MED13L: variants seen among roughly 807,000 people sequenced by gnomAD.
The protein encoded by MED13L is mediator of RNA polymerase II transcription subunit 13-like.
A neutral mutation model predicts 220.9 loss-of-function variants in MED13L; 7 were observed. The observed-to-expected ratio is 0.03, with a 90% confidence interval of 0.02 to 0.06. The LOEUF (loss-of-function observed/expected upper bound fraction) is 0.06. Among genes scored for constraint, MED13L ranks in the 10% least tolerant of loss-of-function variants. MED13L has a pLI of 1.00. For synonymous variants in MED13L, 1,011 were observed against 1,015.2 expected, an observed-to-expected ratio of 1.00 and a Z score of 0.08; for missense variants, 1,965 against 2,760.5, an observed-to-expected ratio of 0.71 and a Z score of 6.46.
chr12:116,212,886 G>C (rs926834679), intron 2 of MED13L, among the ~76,000 whole-genome samples: 1 of 152,090 alleles, frequency 6.6e-6, no homozygotes, highest in African/African-American at 2.4e-5. Flanking sequence ...AAACTAAAAA[G>C]AAAGTGGAGA....
Position 116,012,781 on chromosome 12 carries a change from C to T in MED13L, c.1280+16G>A. On this transcript the variant is annotated intron_variant, in intron 9 of 30. Transcript: ENST00000281928. ...ATCATTCGATCCATTACTATTTTGC[C>T]TTTTTTATTACCTACCTGGAACAAG... 8 of 1,586,750 alleles carry T rather than the reference C, an allele frequency of 5.0e-6. No individual in the cohort carries two copies. The highest frequency in any genetic ancestry group is 6.9e-6 in the Non-Finnish European group (8 of 1,155,224).
chr12:116,110,357 T>TTAAATAAATAAA lies in MED13L; in HGVS notation c.395+1059_395+1070dup, dbSNP rs34452896. On this transcript the variant is annotated intron_variant, in intron 3 of 30. Coordinates refer to ENST00000281928, the MANE Select transcript of MED13L (RefSeq NM_015335.5). ...ATGGGTCCCAATTTACATAGCAAGA[T>TTAAATAAATAAA]TAAATAAATAAATAAATAAATAAAT... is the stretch of plus-strand genomic sequence containing the variant. 1.4e-3 allele frequency: 200 copies of TTAAATAAATAAA among 145,076 alleles called. 1 individual carries two copies. The highest frequency in any genetic ancestry group is 3.4e-3 in the African/African-American group (138 of 40,216). 9.0% of individuals were successfully genotyped at this position (145,076 alleles called of 1,614,324 possible).
intron 25 of MED13L, chr12:115,972,482 G>A (rs1876656330): frequency 2.1e-6 from 1 of 485,480 alleles, no homozygotes; most frequent in African/African-American, 2.0e-5. Flanking sequence ...ACCTTTGAGA[G>A]TCCAGCACTA....
At chr12:116,240,368 A>T (rs1174235811) in intron 1 of MED13L, among the ~76,000 whole-genome samples, 2 of 152,112 alleles carry the variant, frequency 1.3e-5, no homozygotes, top group Non-Finnish European at 2.9e-5. Context: ...AAGTGCTGGG[A>T]TTATACAGGT....
At chr12:116,045,111 A>G (rs1364178691) in intron 4 of MED13L, among the ~76,000 whole-genome samples, 1 of 152,178 alleles carries the variant, frequency 6.6e-6, no homozygotes, top group Non-Finnish European at 1.5e-5. Flanking sequence ...GGTAAAATGC[A>G]CCGTTATATT....
chr12:116,180,475 G>T (rs1565915785), intron 2 of MED13L, among the ~76,000 whole-genome samples: 1 of 152,168 alleles, frequency 6.6e-6, no homozygotes, highest in Admixed American at 6.5e-5. Flanking sequence ...GTTTTGACTT[G>T]AGTTCCATCC....
At chr12:116,104,690 A>G (rs1165686959) in intron 3 of MED13L, among the ~76,000 whole-genome samples, 1 of 152,258 alleles carries the variant, frequency 6.6e-6, no homozygotes, top group Non-Finnish European at 1.5e-5. Context: ...AACAACTTCA[A>G]AAGACCCAAG....
At chr12:115,984,477 CT>C in intron 19 of MED13L, 105 bp from the exon 20 acceptor site, 1 of 1,310,656 alleles carries the variant, frequency 7.6e-7, no homozygotes, top group Non-Finnish European at 1.1e-6. Context: ...AAGCATTTTC[CT>C]TTTTCTTTTA....
At chr12:116,105,477 G>GA (rs1172211179) in intron 3 of MED13L, among the ~76,000 whole-genome samples, 1 of 152,134 alleles carries the variant, frequency 6.6e-6, no homozygotes, top group Non-Finnish European at 1.5e-5. Context: ...CAAAAGCAAG[G>GA]AAAAATAAGT....
At chr12:116,106,388 G>A (rs572841142) in intron 3 of MED13L, among the ~76,000 whole-genome samples, 9 of 152,264 alleles carry the variant, frequency 5.9e-5, no homozygotes, top group Non-Finnish European at 8.8e-5. Context: ...AACTGGTTGC[G>A]TTATAAATGA....
At chr12:116,113,834 G>A (rs7488958) in intron 2 of MED13L, among the ~76,000 whole-genome samples, 1,559 of 62,444 alleles carry the variant, frequency 0.025, 42 homozygotes, top group Non-Finnish European at 0.033. Context: ...AGAGGGGAGG[G>A]AGGGGGGAAG....
Position 116,253,195 on chromosome 12 carries a change from G to A in MED13L, c.73-15490C>T, listed in dbSNP as rs1379486153. Among the ~76,000 whole-genome samples, 2 of 149,874 alleles carry A rather than the reference G, an allele frequency of 1.3e-5. 1 individual carries two copies. Among genetic ancestry groups the A allele is most frequent in the African/African-American group, 4.9e-5 (2 of 40,520 alleles). ...GAGAATATCTTGAACCTGGGTGGGG[G>A]AGGGGGGCGGAGGTTGCACTAAGCC... On this transcript the variant is annotated intron_variant, in intron 1 of 30. Transcript: ENST00000281928.
chr12:116,029,690 A>C (rs554380885), intron 4 of MED13L, among the ~76,000 whole-genome samples: 3 of 152,344 alleles, frequency 2.0e-5, no homozygotes, highest in African/African-American at 7.2e-5. Flanking sequence ...AAAAGTAATC[A>C]ATCATGAACA....
At chr12:115,996,419 G>C in intron 16 of MED13L, 57 bp downstream of exon 16, 1 of 1,562,392 alleles carries the variant, frequency 6.4e-7, no homozygotes, top group South Asian at 1.1e-5. Context: ...CAAACATTTA[G>C]TTAAGATAAA....
chr12:116,180,629 T>G (rs1454880079), intron 2 of MED13L, among the ~76,000 whole-genome samples: 3 of 151,594 alleles, frequency 2.0e-5, no homozygotes, highest in African/African-American at 7.3e-5. Context: ...AGATGAAGTA[T>G]CCATGCTCTT....
intron 2 of MED13L, among the ~76,000 whole-genome samples, chr12:116,149,268 T>C (rs1481971905): frequency 6.6e-6 from 1 of 152,220 alleles, no homozygotes; most frequent in Non-Finnish European, 1.5e-5. Flanking sequence ...TCATGTATTA[T>C]AGTTAGCTAT....
chr12:116,252,426 G>A (rs986650886), intron 1 of MED13L, among the ~76,000 whole-genome samples: 2 of 151,950 alleles, frequency 1.3e-5, no homozygotes, highest in South Asian at 4.1e-4. Flanking sequence ...GTGGTCCCAG[G>A]TACTCAGGTG....
At chr12:115,989,237 C>T (rs1188993525) in intron 17 of MED13L, among the ~76,000 whole-genome samples, 2 of 152,308 alleles carry the variant, frequency 1.3e-5, no homozygotes, top group East Asian at 1.9e-4. Context: ...CTGGCCTCTG[C>T]TCCCACCACT....
chr12:115,990,939 T>C, intron 17 of MED13L, 81 bp downstream of exon 17: 5 of 1,477,258 alleles, frequency 3.4e-6, no homozygotes, highest in Non-Finnish European at 4.6e-6. Flanking sequence ...AAATTTTTTG[T>C]CAAATACAGT....
Sources: allele counts gnomAD v4.1 joint callset (sites outside exome capture counted in the v4.1 genomes callset), GRCh38; gene constraint gnomAD v4.1.1; transcripts MANE v1.5; gene names NCBI Gene and HGNC (gene_info 2026-07-23, HGNC 2026-07-21).